SLC24A2: variants seen among roughly 807,000 people sequenced by gnomAD.
The protein encoded by SLC24A2 is sodium/potassium/calcium exchanger 2.
SLC24A2 carries 36 observed loss-of-function variants against 62.0 expected under a neutral mutation model. That is an observed-to-expected ratio of 0.58 (90% confidence interval 0.44 to 0.77). The LOEUF is 0.77. SLC24A2 is among the 30% of genes least tolerant of loss of function. The pLI is 0.00. For missense variants in SLC24A2, 846 were observed against 817.9 expected (o/e 1.03, Z -0.42); for synonymous variants, 358 against 294.0 (o/e 1.22, Z -2.23).
chr9:20,079,658 G>A, the SLC24A2 span, among the ~76,000 whole-genome samples: 1 of 152,170 alleles, frequency 6.6e-6, no homozygotes, highest in Non-Finnish European at 1.5e-5. Flanking sequence ...CAGTATGTCT[G>A]TGGGATAAAT....
the SLC24A2 span, among the ~76,000 whole-genome samples, chr9:20,248,210 T>C: frequency 1.3e-5 from 2 of 152,224 alleles, no homozygotes; most frequent in South Asian, 2.1e-4. Flanking sequence ...TGATAGTGAA[T>C]GCAAGGAACC....
chr9:20,129,928 T>TACACACACACACACACACACACACAC, the SLC24A2 span, among the ~76,000 whole-genome samples: 8 of 141,798 alleles, frequency 5.6e-5, no homozygotes, highest in East Asian at 2.0e-4. Flanking sequence ...TATAATTTAC[T>TACACACACACACACACACACACACAC]ACACACACAC....
At chr9:20,246,211 CT>C in the SLC24A2 span, among the ~76,000 whole-genome samples, 2 of 152,130 alleles carry the variant, frequency 1.3e-5, no homozygotes, top group Admixed American at 1.3e-4. Flanking sequence ...TATTTTGTAC[CT>C]GATGCTGTTT....
intron 2 of SLC24A2, among the ~76,000 whole-genome samples, chr9:19,727,564 T>A (rs1821207819): frequency 6.6e-6 from 1 of 152,164 alleles, no homozygotes; most frequent in African/African-American, 2.4e-5. Flanking sequence ...CTCAGACACT[T>A]AGAACAATGA....
rs753494083 is a variant in SLC24A2, at chr9:19,516,268, C to A, written c.1871G>T (p.Cys624Phe). ...CAGGATTTTGTTCATTCGCCACTTG[C>A]AGAGGGCGATAGAGAGGATGACGAA... is the stretch of plus-strand genomic sequence containing the variant. ...LLFVILSIAL[C>F]KWRMNKILGF... The change falls in exon 11 of 11, where the codon TGC becomes TTC. Residue 624 changes from cysteine (C) to phenylalanine (F), a missense_variant. Cys to Phe is a radical substitution (Grantham distance 205). Coordinates refer to ENST00000341998, the MANE Select transcript of SLC24A2 (RefSeq NM_020344.4). 3 of 1,614,126 alleles carry A rather than the reference C, an allele frequency of 1.9e-6. No homozygotes were observed. The highest frequency in any genetic ancestry group is 1.7e-5 in the Admixed American group (1 of 60,024).
At chr9:19,517,527 G>C (rs542409010) in intron 10 of SLC24A2, among the ~76,000 whole-genome samples, 68 of 152,300 alleles carry the variant, frequency 4.5e-4, no homozygotes, top group African/African-American at 1.5e-3. Flanking sequence ...GTGCATTGTG[G>C]ATCTTTGAAA....
intron 2 of SLC24A2, among the ~76,000 whole-genome samples, chr9:19,668,713 C>T (rs1012248026): frequency 7.9e-5 from 12 of 152,168 alleles, no homozygotes; most frequent in Non-Finnish European, 1.6e-4. Flanking sequence ...GTGCATCCTA[C>T]GATATCTTCA....
chr9:20,117,455 G>C, the SLC24A2 span, among the ~76,000 whole-genome samples: 1 of 152,126 alleles, frequency 6.6e-6, no homozygotes, highest in Non-Finnish European at 1.5e-5. Flanking sequence ...CAAGAAACCA[G>C]CTGCCACGTT....
At chr9:20,130,717 C>G in the SLC24A2 span, among the ~76,000 whole-genome samples, 2 of 152,068 alleles carry the variant, frequency 1.3e-5, no homozygotes, top group Admixed American at 6.6e-5. Context: ...AAAAACAGCA[C>G]CACTCTGGCT....
At chr9:20,209,861 G>A in the SLC24A2 span, among the ~76,000 whole-genome samples, 1 of 152,144 alleles carries the variant, frequency 6.6e-6, no homozygotes, top group Admixed American at 6.5e-5. Flanking sequence ...ACTTTCAAAA[G>A]TATACATTTG....
intron 5 of SLC24A2, among the ~76,000 whole-genome samples, chr9:19,580,276 G>T (rs3780214): frequency 0.24 from 36,713 of 152,122 alleles, 5,017 homozygotes; most frequent in African/African-American, 0.37. Flanking sequence ...CAATGGCTGC[G>T]CCATAGGCTA....
chr9:19,864,669 G>A, the SLC24A2 span, among the ~76,000 whole-genome samples: 6 of 151,932 alleles, frequency 3.9e-5, no homozygotes, highest in East Asian at 1.2e-3. Context: ...AAAAAACTGG[G>A]TATAGAAGGA....
the SLC24A2 span, among the ~76,000 whole-genome samples, chr9:20,141,383 T>C: frequency 6.6e-6 from 1 of 152,090 alleles, no homozygotes; most frequent in Non-Finnish European, 1.5e-5. Context: ...GGTCGTCTCA[T>C]TGTTGTGGTT....
At chr9:19,706,203 CTT>C (rs1820509971) in intron 2 of SLC24A2, among the ~76,000 whole-genome samples, 1 of 151,238 alleles carries the variant, frequency 6.6e-6, no homozygotes, top group African/African-American at 2.4e-5. Flanking sequence ...TTCTTTGTCT[CTT>C]TTGATCTTTG....
intron 2 of SLC24A2, among the ~76,000 whole-genome samples, chr9:19,720,700 C>A (rs59251764): frequency 0.033 from 4,490 of 137,180 alleles, 152 homozygotes; most frequent in East Asian, 0.15. Flanking sequence ...CCCCCCCCCC[C>A]AAAAAAAATC....
At chr9:19,704,585 G>A (rs1820454843) in intron 2 of SLC24A2, among the ~76,000 whole-genome samples, 1 of 152,004 alleles carries the variant, frequency 6.6e-6, no homozygotes, top group South Asian at 2.1e-4. Flanking sequence ...TCTGTTTTCA[G>A]AATTTTACTG....
the SLC24A2 span, among the ~76,000 whole-genome samples, chr9:19,874,898 C>G: frequency 6.8e-6 from 1 of 146,652 alleles, no homozygotes; most frequent in Non-Finnish European, 1.5e-5. Context: ...ACCTCTAAGG[C>G]TTTATTTATT....
the SLC24A2 span, among the ~76,000 whole-genome samples, chr9:19,820,478 C>T: frequency 6.6e-6 from 1 of 150,900 alleles, no homozygotes; most frequent in African/African-American, 2.4e-5. Context: ...AAAGAACTTA[C>T]TCATGTAACC....
At chr9:20,064,521 G>C in the SLC24A2 span, among the ~76,000 whole-genome samples, 297 of 152,128 alleles carry the variant, frequency 2.0e-3, no homozygotes, top group African/African-American at 6.7e-3. Context: ...GGAAAAAAAA[G>C]CCAAGAAAAA....
Sources: gnomAD v4.1 joint callset for allele counts (sites outside exome capture counted in the v4.1 genomes callset) on GRCh38, gnomAD v4.1.1 for gene constraint, MANE v1.5 for transcripts, NCBI Gene and HGNC (gene_info 2026-07-23, HGNC 2026-07-21) for gene names.